The following CLMP variants were observed in gnomAD, a reference collection of about 807,000 sequenced individuals.
CLMP encodes CXADR-like membrane protein.
Under a neutral mutation model 45.2 loss-of-function variants are expected in CLMP, and 27 were observed. That is an observed-to-expected ratio of 0.60 (90% CI 0.44 to 0.82). The LOEUF (loss-of-function observed/expected upper bound fraction) is 0.82, where lower values mean the gene tolerates loss of function less well. CLMP is among the 40% of genes least tolerant of loss of function. The pLI is 0.00. For missense variants in CLMP, 403 were observed against 448.4 expected (o/e 0.90, Z 0.91); for synonymous variants, 167 against 171.4 (o/e 0.97, Z 0.20).
intron 1 of CLMP, among the ~76,000 whole-genome samples, chr11:123,145,452 GTTTTTTTTT>G (rs66487810): frequency 1.6e-5 from 1 of 61,808 alleles, no homozygotes; most frequent in Non-Finnish European, 3.0e-5. Context: ...CTCTGCGGCT[GTTTTTTTTT>G]TTTTTTTTTT....
At chr11:123,125,053 T>C (rs749755411) in intron 1 of CLMP, among the ~76,000 whole-genome samples, 3 of 152,064 alleles carry the variant, frequency 2.0e-5, no homozygotes, top group Admixed American at 1.3e-4. Context: ...TGCACTACCA[T>C]GCCTAGCTAA....
At chr11:123,188,334 G>A (rs913170077) in intron 1 of CLMP, among the ~76,000 whole-genome samples, 2 of 152,106 alleles carry the variant, frequency 1.3e-5, no homozygotes, top group African/African-American at 2.4e-5. Context: ...AATAGAACGC[G>A]CTCAGAGGCT....
In CLMP at chr11:123,180,439, G is replaced by A. The variant is rs140492880; in HGVS notation, c.28+14474C>T. Among the ~76,000 whole-genome samples, 10 of 152,218 alleles carry A rather than the reference G, an allele frequency of 6.6e-5. No individual in the cohort carries two copies. In the East Asian group the frequency reaches 1.9e-3, roughly 29 times the overall value. On this transcript the variant is annotated intron_variant, in intron 1 of 6. Transcript: ENST00000448775. ...TTCCACCACGTGGCTCTCTATGAAC[G>A]AGGAAGCAGGCCCTCACCAGACACC... is the stretch of plus-strand genomic sequence containing the variant.
At chr11:123,150,670 G>A (rs1861325523) in intron 1 of CLMP, among the ~76,000 whole-genome samples, 1 of 152,088 alleles carries the variant, frequency 6.6e-6, no homozygotes, top group South Asian at 2.1e-4. Context: ...GTGGATAGGA[G>A]GTAGAATACC....
chr11:123,112,584 C>A (rs548080403), intron 1 of CLMP, among the ~76,000 whole-genome samples: 2 of 152,148 alleles, frequency 1.3e-5, no homozygotes, highest in East Asian at 1.9e-4. Flanking sequence ...TGAGCCCCCC[C>A]ACCTCGGCCT....
chr11:123,150,529 A>C lies in CLMP; in HGVS notation c.28+44384T>G, dbSNP rs187526255. Among the ~76,000 whole-genome samples the C allele has an allele frequency of 7.0e-3, 841 of 119,578 alleles. 12 individuals carry two copies. Among genetic ancestry groups the C allele is most frequent in the East Asian group, 0.033 (114 of 3,444 alleles). 78.4% of individuals were successfully genotyped at this position (119,578 alleles called of 152,430 possible). On this transcript the variant is annotated intron_variant, in intron 1 of 6. Coordinates refer to ENST00000448775, the MANE Select transcript of CLMP (RefSeq NM_024769.5). The stretch of plus-strand genomic sequence containing the variant: ...GAAGGAAGGAAGGAAGGAAGGAAGG[A>C]AAGAAACAAGCAAGGAAGGAAGGAA...
chr11:123,143,266 C>T (rs113527227), intron 1 of CLMP, among the ~76,000 whole-genome samples: 177 of 152,324 alleles, frequency 1.2e-3, no homozygotes, highest in African/African-American at 3.9e-3. Flanking sequence ...GAATTTTTCT[C>T]CTACAAGCTG....
At chr11:123,108,843 C>A (rs575866672) in intron 1 of CLMP, among the ~76,000 whole-genome samples, 1 of 151,974 alleles carries the variant, frequency 6.6e-6, no homozygotes, top group African/African-American at 2.4e-5. Context: ...CACCTGAGGT[C>A]GGGAGTTCGA....
intron 2 of CLMP, among the ~76,000 whole-genome samples, chr11:123,091,268 C>A (rs1297617113): frequency 2.0e-5 from 3 of 152,114 alleles, no homozygotes; most frequent in African/African-American, 7.2e-5. Context: ...CCACGTCCAG[C>A]TAATTTTTGT....
chr11:123,090,370 C>A (rs1053464020), intron 2 of CLMP, among the ~76,000 whole-genome samples: 1 of 151,342 alleles, frequency 6.6e-6, no homozygotes, highest in African/African-American at 2.4e-5. Flanking sequence ...TGCGGTGAGC[C>A]GAGATTGTGT....
intron 1 of CLMP, among the ~76,000 whole-genome samples, chr11:123,184,619 A>G (rs1861810242): frequency 6.6e-6 from 1 of 152,200 alleles, no homozygotes; most frequent in Admixed American, 6.5e-5. Flanking sequence ...GACTCTTGCC[A>G]TTCTCTGCAG....
chr11:123,133,810 T>C (rs1253858186), intron 1 of CLMP, among the ~76,000 whole-genome samples: 1 of 152,170 alleles, frequency 6.6e-6, no homozygotes, highest in Non-Finnish European at 1.5e-5. Context: ...GAGACGAATC[T>C]GAGCGGGGAG....
intron 1 of CLMP, among the ~76,000 whole-genome samples, chr11:123,167,450 T>C (rs1347888315): frequency 6.6e-6 from 1 of 152,094 alleles, no homozygotes; most frequent in African/African-American, 2.4e-5. Flanking sequence ...CACGCCTGGC[T>C]AATTTTTTGT....
At chr11:123,167,322 G>C (rs1861570417) in intron 1 of CLMP, among the ~76,000 whole-genome samples, 1 of 152,114 alleles carries the variant, frequency 6.6e-6, no homozygotes, top group African/African-American at 2.4e-5. Flanking sequence ...GTTTCACTCT[G>C]TCACCCTGGC....
chr11:123,121,732 G>A (rs1322502614), intron 1 of CLMP, among the ~76,000 whole-genome samples: 1 of 152,132 alleles, frequency 6.6e-6, no homozygotes, highest in African/African-American at 2.4e-5. Flanking sequence ...TTAATAAACT[G>A]GCTTATAACC....
chr11:123,150,605 T>TTG (rs1426637188), intron 1 of CLMP, among the ~76,000 whole-genome samples: 2 of 70,990 alleles, frequency 2.8e-5, no homozygotes, highest in African/African-American at 1.2e-4. Context: ...AAGGAAGGAA[T>TTG]GAAGGAAGGA....
At chr11:123,092,458 C>G (rs370094432) in intron 2 of CLMP, among the ~76,000 whole-genome samples, 5 of 152,054 alleles carry the variant, frequency 3.3e-5, no homozygotes, top group African/African-American at 1.2e-4. Flanking sequence ...CCACCACGCC[C>G]GGCTAATTTT....
chr11:123,189,176 G>C (rs985471096), intron 1 of CLMP, among the ~76,000 whole-genome samples: 4 of 152,200 alleles, frequency 2.6e-5, no homozygotes. Flanking sequence ...GAAGGGGATG[G>C]GTAATAAATG....
At chr11:123,090,278 C>T (rs1440978745) in intron 2 of CLMP, among the ~76,000 whole-genome samples, 1 of 139,230 alleles carries the variant, frequency 7.2e-6, no homozygotes, top group Non-Finnish European at 1.5e-5. Flanking sequence ...ACCCCCATCT[C>T]CACTAAAATA....
Sources: allele counts gnomAD v4.1 joint callset (sites outside exome capture counted in the v4.1 genomes callset), GRCh38; gene constraint gnomAD v4.1.1; transcripts MANE v1.5; gene names NCBI Gene and HGNC (gene_info 2026-07-23, HGNC 2026-07-21).